The following MME variants were observed in gnomAD, a reference collection of about 807,000 sequenced individuals.
MME encodes membrane metalloendopeptidase.
A neutral mutation model predicts 113.2 loss-of-function variants in MME; 98 were observed. That is an observed-to-expected ratio of 0.87 (90% CI 0.74 to 1.02). MME has a LOEUF of 1.02. MME is among the 50% of genes least tolerant of loss of function. The pLI is 0.00. For missense variants in MME, 836 were observed against 896.0 expected (o/e 0.93, Z 0.86); for synonymous variants, 292 against 300.6 (o/e 0.97, Z 0.30).
At chr3:155,152,338 T>C (rs1234001962) in intron 16 of MME, among the ~76,000 whole-genome samples, 2 of 152,142 alleles carry the variant, frequency 1.3e-5, no homozygotes, top group Admixed American at 1.3e-4. Context: ...GTTCTACACT[T>C]TGCACATTTT....
At chr3:155,078,068 A>G (rs1217014898), upstream of MME, among the ~76,000 whole-genome samples, 3 of 151,658 alleles carry the variant, frequency 2.0e-5, no homozygotes, top group South Asian at 2.1e-4. Context: ...ACACACACAC[A>G]CACACACACA....
intron 17 of MME, among the ~76,000 whole-genome samples, chr3:155,164,200 G>C (rs1228447401): frequency 3.3e-5 from 5 of 151,010 alleles, no homozygotes; most frequent in Admixed American, 3.3e-4. Context: ...TTACTTAATT[G>C]CTGCCTTAGG....
intron 15 of MME, 37 bp from the exon 16 acceptor site, chr3:155,148,512 GT>G: frequency 1.4e-6 from 2 of 1,397,218 alleles, no homozygotes; most frequent in Non-Finnish European, 2.0e-6. Context: ...GAAGATACCG[GT>G]TTTAATATTT....
rs144881339 is a variant in MME, at chr3:155,071,253, A to G, written c.-10-12905A>G. Reference sequence around the variant, plus strand: ...ATCTGGGAGACATGAGGGGATAAGCATATCTCTGTAACTGAGCTTAGTCAC... The same window carrying G: ...ATCTGGGAGACATGAGGGGATAAGCGTATCTCTGTAACTGAGCTTAGTCAC... On this transcript the variant is annotated intron_variant, in intron 1 of 22. Transcript: ENST00000492661. Among the ~76,000 whole-genome samples the G allele has an allele frequency of 6.7e-4, 102 of 152,334 alleles. No homozygotes were observed. In the East Asian group the frequency reaches 0.017, roughly 25 times the overall value.
intron 3 of MME, among the ~76,000 whole-genome samples, chr3:155,092,591 T>C (rs762201199): frequency 3.9e-5 from 6 of 152,104 alleles, no homozygotes; most frequent in Non-Finnish European, 8.8e-5. Context: ...AAAGCCAAAA[T>C]ATGGAAATAT....
At chr3:155,057,971 T>A (rs573713240) in intron 1 of MME, among the ~76,000 whole-genome samples, 2 of 152,298 alleles carry the variant, frequency 1.3e-5, no homozygotes, top group South Asian at 4.1e-4. Context: ...TTATTTATTT[T>A]GGAAGAGAAA....
In MME at chr3:155,181,390, G is replaced by C. The variant is rs1713074528; in HGVS notation, c.*931G>C. ...GAAAAGATTTAAGCACAAACTTTAG[G>C]GTAAAAATTGCCATTGGACAGTTGT... is the stretch of plus-strand genomic sequence containing the variant. On this transcript the variant is annotated 3_prime_UTR_variant, in exon 23 of 23. Coordinates refer to ENST00000360490, the MANE Select transcript of MME (RefSeq NM_007289.4). 2.0e-5 allele frequency: 3 copies of C among 151,842 alleles called. No homozygotes were observed. In the South Asian group the frequency reaches 6.2e-4, roughly 32 times the overall value. 9.4% of individuals were successfully genotyped at this position (151,842 alleles called of 1,614,324 possible).
chr3:155,135,732 G>A (rs1336885254), intron 8 of MME, among the ~76,000 whole-genome samples: 1 of 152,078 alleles, frequency 6.6e-6, no homozygotes, highest in African/African-American at 2.4e-5. Flanking sequence ...GGGCAGTATG[G>A]CCATTTGATG....
At chr3:155,087,959 A>G (rs548356220) in intron 3 of MME, among the ~76,000 whole-genome samples, 24 of 152,244 alleles carry the variant, frequency 1.6e-4, no homozygotes, top group Non-Finnish European at 3.5e-4. Context: ...ATTGTAGCTT[A>G]GAAATCAAAC....
At position 155,049,671 on chromosome 3, in the gene MME, CTATA is replaced by C. The variant is rs60402470; in HGVS notation, c.-11+25352_-11+25355del. 9.3e-4 allele frequency among the ~76,000 whole-genome samples: 101 copies of C among 108,246 alleles called. 1 individual carries two copies. The highest frequency in any genetic ancestry group is 1.4e-3 in the East Asian group (5 of 3,684). The allele number at this position is 108,246 out of a possible 152,430, so 71.0% of individuals were successfully genotyped here. ...TCTATCTATCTATCTATCTATCTAT[CTATA>C]TATAGAGAGAGAACAGAATGTTGGT... On this transcript the variant is annotated intron_variant, in intron 1 of 22. Coordinates refer to the MME transcript ENST00000492661.
intron 1 of MME, among the ~76,000 whole-genome samples, chr3:155,033,617 T>C (rs1202637157): frequency 6.6e-6 from 1 of 152,134 alleles, no homozygotes; most frequent in Non-Finnish European, 1.5e-5. Context: ...ACTTCAATGT[T>C]AAAAGGCAAC....
At chr3:155,101,818 G>T (rs902870853) in intron 3 of MME, among the ~76,000 whole-genome samples, 11 of 152,036 alleles carry the variant, frequency 7.2e-5, no homozygotes, top group African/African-American at 2.7e-4. Flanking sequence ...AACTAAACCG[G>T]GATTCAGTCT....
At chr3:155,171,799 T>A (rs1712003345) in intron 20 of MME, among the ~76,000 whole-genome samples, 1 of 152,182 alleles carries the variant, frequency 6.6e-6, no homozygotes, top group East Asian at 1.9e-4. Context: ...ATTCATCAAT[T>A]TATAAAACAA....
At chr3:155,066,217 C>A (rs948151078) in intron 1 of MME, among the ~76,000 whole-genome samples, 2 of 151,986 alleles carry the variant, frequency 1.3e-5, no homozygotes, top group African/African-American at 4.8e-5. Context: ...AACATTATGA[C>A]AATGTAATTT....
intron 8 of MME, among the ~76,000 whole-genome samples, chr3:155,136,914 G>T (rs1720680194): frequency 6.6e-6 from 1 of 152,064 alleles, no homozygotes; most frequent in African/African-American, 2.4e-5. Context: ...ACAATTGACT[G>T]CTTTACTAAA....
intron 16 of MME, among the ~76,000 whole-genome samples, chr3:155,156,843 A>C (rs2108343717): frequency 6.6e-6 from 1 of 152,136 alleles, no homozygotes; most frequent in South Asian, 2.1e-4. Context: ...GCTCACTAAC[A>C]ATTTTGTTGT....
chr3:155,048,617 C>A (rs1241618390), intron 1 of MME, among the ~76,000 whole-genome samples: 1 of 151,988 alleles, frequency 6.6e-6, no homozygotes, highest in Non-Finnish European at 1.5e-5. Flanking sequence ...ACCTGCATAC[C>A]GTTTTTTTAC....
At chr3:155,052,605 C>A (rs1489329189) in intron 1 of MME, among the ~76,000 whole-genome samples, 1 of 152,222 alleles carries the variant, frequency 6.6e-6, no homozygotes, top group Non-Finnish European at 1.5e-5. Flanking sequence ...TGTGGGGCAC[C>A]ACGTATTGAG....
chr3:155,181,509 A>G lies in MME; in HGVS notation c.*1050A>G, dbSNP rs866915084. 2.0e-5 allele frequency: 3 copies of G among 152,168 alleles called. No individual in the cohort carries two copies. Among genetic ancestry groups the G allele is most frequent in the African/African-American group, 7.2e-5 (3 of 41,442 alleles). The allele number at this position is 152,168 out of a possible 1,614,324, so 9.4% of individuals were successfully genotyped here. ...CTGATAAAAGGGCAAATCTGCACCT[A>G]TGTAGCTCTGCATCTCCTGTCTTTT... is the stretch of plus-strand genomic sequence containing the variant. On this transcript the variant is annotated 3_prime_UTR_variant, in exon 23 of 23. Coordinates refer to ENST00000360490, the MANE Select transcript of MME (RefSeq NM_007289.4).
Sources: gnomAD v4.1 joint callset for allele counts (sites outside exome capture counted in the v4.1 genomes callset) on GRCh38, gnomAD v4.1.1 for gene constraint, MANE v1.5 for transcripts, NCBI Gene and HGNC (gene_info 2026-07-23, HGNC 2026-07-21) for gene names.